The following ELAC2 variants were observed in gnomAD, a reference collection of about 807,000 sequenced individuals.
ELAC2 encodes elaC ribonuclease Z 2.
ELAC2 carries 92 observed loss-of-function variants against 105.2 expected under a neutral mutation model. That is an observed-to-expected ratio of 0.87 (90% CI 0.74 to 1.04). ELAC2 has a LOEUF of 1.04. Ranked by LOEUF, ELAC2 falls within the 50% of genes least tolerant of loss-of-function variation. ELAC2 has a pLI of 0.00. For synonymous variants in ELAC2, 468 were observed against 409.1 expected, an observed-to-expected ratio of 1.14 and a Z score of -1.74; for missense variants, 1,099 against 1,071.7, an observed-to-expected ratio of 1.03 and a Z score of -0.36.
Position 13,000,256 on chromosome 17 carries a change from G to A in ELAC2, c.1323C>T (p.Cys441=). ...CCTCAACTATGAATTCCTCAGGATTGCAAGTAATAATGGCATCCCTGCAGG... is the reference window on the plus strand; with the variant it reads ...CCTCAACTATGAATTCCTCAGGATTACAAGTAATAATGGCATCCCTGCAGG... ...REWQRDAIIT[C]NPEEFIVEAL... is the part of the protein sequence containing the mutation. Residue 441 remains cysteine, a synonymous_variant, in exon 15 of 24, where the codon TGC becomes TGT. Transcript: ENST00000338034. 2 of 1,614,080 alleles carry A rather than the reference G, an allele frequency of 1.2e-6. No individual in the cohort carries two copies. The highest frequency in any genetic ancestry group is 8.5e-7 in the Non-Finnish European group (1 of 1,180,022).
intron 10 of ELAC2, among the ~76,000 whole-genome samples, 188 bp downstream of exon 10, chr17:13,005,565 G>A (rs2041053499): frequency 1.3e-5 from 2 of 152,140 alleles, no homozygotes; most frequent in South Asian, 2.1e-4. Context: ...AAAAATGCTC[G>A]AATGCAGCCG....
In ELAC2 at chr17:13,000,232, C is replaced by T. The variant is rs1196463155; in HGVS notation, c.1347G>A (p.Glu449=). The change falls in exon 15 of 24, where the codon GAG becomes GAA. Residue 449 remains glutamate (E), a synonymous_variant. Transcript: ENST00000338034. ...GCTGGAAGTTGGGAAGCTGCAGCGCCTCAACTATGAATTCCTCAGGATTGC... is the reference window on the plus strand; with the variant it reads ...GCTGGAAGTTGGGAAGCTGCAGCGCTTCAACTATGAATTCCTCAGGATTGC... ...ITCNPEEFIV[E]ALQLPNFQQS... is the part of the protein sequence containing the mutation. The T allele has an allele frequency of 6.2e-7, 1 of 1,614,148 alleles. No homozygotes were observed. The highest frequency in any genetic ancestry group is 1.7e-5 in the Admixed American group (1 of 60,024).
At chr17:12,999,036 T>C (rs1267712940) in intron 15 of ELAC2, among the ~76,000 whole-genome samples, 1 of 152,090 alleles carries the variant, frequency 6.6e-6, no homozygotes, top group Non-Finnish European at 1.5e-5. Context: ...GTAAGCAACA[T>C]AGTTCTATCC....
intron 1 of ELAC2, chr17:13,017,492 C>G: frequency 9.3e-7 from 1 of 1,078,498 alleles, no homozygotes; most frequent in Non-Finnish European, 1.3e-6. Flanking sequence ...AAAGGACGCT[C>G]AGACCCAGGC....
Position 12,992,765 on chromosome 17 carries a change from C to G in ELAC2, c.*53G>C, listed in dbSNP as rs1398623998. 9 of 1,600,464 alleles carry G rather than the reference C, an allele frequency of 5.6e-6. No individual in the cohort carries two copies. The highest frequency in any genetic ancestry group is 1.7e-4 in the Middle Eastern group (1 of 5,842). ...CCAGCAAGGAGGGCAGATACGGGTG[C>G]GTGCGTGGGGCAGAAGACACACAGC... is the stretch of plus-strand genomic sequence containing the variant. On this transcript the variant is annotated 3_prime_UTR_variant, in exon 24 of 24. Coordinates refer to ENST00000338034, the MANE Select transcript of ELAC2 (RefSeq NM_018127.7).
intron 15 of ELAC2, among the ~76,000 whole-genome samples, chr17:12,999,056 G>C (rs1031269268): frequency 6.6e-6 from 1 of 152,206 alleles, no homozygotes; most frequent in South Asian, 2.1e-4. Context: ...CAGCTTCCCA[G>C]GAGGGGGACT....
In ELAC2 at chr17:12,992,787, C is replaced by T. The variant is rs372201309; in HGVS notation, c.*31G>A. 66 of 1,608,148 alleles carry T rather than the reference C, an allele frequency of 4.1e-5. No homozygotes were observed. The South Asian group carries it at 5.9e-4, about 14-fold the overall frequency. On this transcript the variant is annotated 3_prime_UTR_variant, in exon 24 of 24. Coordinates refer to ENST00000338034, the MANE Select transcript of ELAC2 (RefSeq NM_018127.7). ...GTGCGTGCGTGGGGCAGAAGACACA[C>T]AGCCTTCTGAGTTCAGGGTCTCCCA... is the stretch of plus-strand genomic sequence containing the variant.
At chr17:13,005,515 T>G (rs2041050371) in intron 10 of ELAC2, among the ~76,000 whole-genome samples, 1 of 152,148 alleles carries the variant, frequency 6.6e-6, no homozygotes, top group Non-Finnish European at 1.5e-5. Flanking sequence ...CATGCACCCT[T>G]TAAGGAGGAC....
At chr17:13,006,876 C>T (rs1411252448) in intron 8 of ELAC2, among the ~76,000 whole-genome samples, 1 of 152,126 alleles carries the variant, frequency 6.6e-6, no homozygotes, top group Non-Finnish European at 1.5e-5. Context: ...AATCCCAGCA[C>T]TTTGGGAAGC....
chr17:12,993,970 C>T, intron 22 of ELAC2, 139 bp from the exon 23 acceptor site: 1 of 1,214,990 alleles, frequency 8.2e-7, no homozygotes, highest in South Asian at 1.3e-5. Context: ...CCTCCGTAGC[C>T]AGCACAATCT....
Position 13,017,777 on chromosome 17 carries a change from G to A in ELAC2, c.171C>T (p.Thr57=). ...CCGCTGCCACCACCTGCAGGTACAC[G>A]GTGTTTGGGCCGCCGGAGCACCCCG... The part of the protein sequence containing the change: ...GPSGCSGGPN[T]VYLQVVAAGS... Residue 57 remains threonine, a synonymous_variant, in exon 1 of 24, where the codon ACC becomes ACT. Transcript: ENST00000338034. 2.5e-6 allele frequency: 4 copies of A among 1,610,668 alleles called. No homozygotes were observed. Among genetic ancestry groups the A allele is most frequent in the Middle Eastern group, 1.7e-4 (1 of 6,042 alleles).
In ELAC2 at chr17:12,991,764, C is replaced by CGCTT. The variant is rs995591735; in HGVS notation, c.*1050_*1053dup. On this transcript the variant is annotated 3_prime_UTR_variant, in exon 24 of 24. Transcript: ENST00000338034. ...AAAGCCAGGTCCCTGGCTGATCTCT[C>CGCTT]GCTTGCTTGTCTTTTGAGTTTTTAA... 4 of 213,036 alleles carry CGCTT rather than the reference C, an allele frequency of 1.9e-5. No homozygotes were observed. The highest frequency in any genetic ancestry group is 6.8e-5 in the African/African-American group (3 of 44,060). The allele number at this position is 213,036 out of a possible 1,614,324, so 13.2% of individuals were successfully genotyped here. A position where few individuals can be genotyped will look rare whatever the true frequency, so the allele number is the denominator to read the frequency against.
chr17:13,000,033 G>A, intron 15 of ELAC2, 123 bp downstream of exon 15: 4 of 837,884 alleles, frequency 4.8e-6, no homozygotes, highest in Non-Finnish European at 8.0e-6. Flanking sequence ...GAGTAGAGAA[G>A]CCCTGGATTA....
At chr17:13,013,527 T>C (rs1280490828) in intron 5 of ELAC2, among the ~76,000 whole-genome samples, 1 of 152,136 alleles carries the variant, frequency 6.6e-6, no homozygotes, top group Admixed American at 6.5e-5. Flanking sequence ...CGTTAAAAAT[T>C]GAAAAACAAG....
At chr17:12,994,732 C>T (rs764640672) in intron 21 of ELAC2, 32 bp downstream of exon 21, 1 of 1,613,550 alleles carries the variant, frequency 6.2e-7, no homozygotes, top group Non-Finnish European at 8.5e-7. Flanking sequence ...CCCAGAGCAA[C>T]CTCAGGGTGG....
Position 13,017,307 on chromosome 17 carries a change from G to A in ELAC2, c.246-186C>T, listed in dbSNP as rs1382853577. 5.8e-6 allele frequency: 4 copies of A among 685,226 alleles called. No individual in the cohort carries two copies. The East Asian group carries it at 8.1e-5, about 14-fold the overall frequency. 42.4% of individuals were successfully genotyped at this position (685,226 alleles called of 1,614,324 possible). A position where few individuals can be genotyped will look rare whatever the true frequency, so the allele number is the denominator to read the frequency against. On this transcript the variant is annotated intron_variant, in intron 1 of 23. Transcript: ENST00000338034. ...AGCCCTCCTTAGCAGAGGTGGAGAG[G>A]AGTGGGGGCCTGTGTGTGTGGGTGC...
At chr17:13,014,315 C>CAAAAAA (rs1215487290) in intron 5 of ELAC2, 124 bp downstream of exon 5, 1 of 497,546 alleles carries the variant, frequency 2.0e-6, no homozygotes, top group African/African-American at 2.3e-5. Context: ...AAAAAAAAAT[C>CAAAAAA]TCGTGGTGAT....
rs1374799651 is a variant in ELAC2, at chr17:13,011,708, A to G, written c.634T>C (p.Ser212Pro). ...RPLSRLSPER[S>P]SDSESNENEP... ...TTTTCATTCGACTCGGAGTCTGAAG[A>G]TCGCTCTGGACTGAGCCTGCTGAGA... The change falls in exon 7 of 24, where the codon TCT becomes CCT. Residue 212 changes from serine to proline, a missense_variant. Ser to Pro is a moderately conservative substitution (Grantham distance 74). Coordinates refer to ENST00000338034, the MANE Select transcript of ELAC2 (RefSeq NM_018127.7). 5 of 1,614,194 alleles carry G rather than the reference A, an allele frequency of 3.1e-6. No individual in the cohort carries two copies. The highest frequency in any genetic ancestry group is 4.2e-6 in the Non-Finnish European group (5 of 1,180,048).
At chr17:12,995,342 A>G (rs931851063) in intron 19 of ELAC2, among the ~76,000 whole-genome samples, 3 of 152,130 alleles carry the variant, frequency 2.0e-5, no homozygotes, top group Middle Eastern at 3.2e-3. Context: ...TGGGGTGAGG[A>G]TGGTGCCACC....
Sources: allele counts gnomAD v4.1 joint callset (sites outside exome capture counted in the v4.1 genomes callset), GRCh38; gene constraint gnomAD v4.1.1; transcripts MANE v1.5; gene names NCBI Gene and HGNC (gene_info 2026-07-23, HGNC 2026-07-21).